CFAP300: variants seen among roughly 807,000 people sequenced by gnomAD.
CFAP300 encodes cilia- and flagella-associated protein 300.
In CFAP300, 32 loss-of-function variants were observed where a neutral mutation model predicts 33.0. The ratio of observed to expected loss-of-function variants is 0.97; its 90% CI spans 0.73 to 1.30. The LOEUF (loss-of-function observed/expected upper bound fraction) is 1.30, where lower values mean the gene tolerates loss of function less well. Ranked by LOEUF, CFAP300 falls within the 50% of genes most tolerant of loss-of-function variation. CFAP300 has a pLI of 0.00. For missense variants in CFAP300, 356 were observed against 318.1 expected (o/e 1.12, Z -0.90); for synonymous variants, 102 against 106.8 (o/e 0.95, Z 0.28).
rs1455364430 is a variant in CFAP300, at chr11:102,084,226, T to G, written c.*1027T>G. 1.3e-5 allele frequency: 2 copies of G among 152,208 alleles called. No homozygotes were observed. The highest frequency in any genetic ancestry group is 2.9e-5 in the Non-Finnish European group (2 of 68,034). The allele number at this position is 152,208 out of a possible 1,614,324, so 9.4% of individuals were successfully genotyped here. A position where few individuals can be genotyped will look rare whatever the true frequency, so the allele number is the denominator to read the frequency against. On this transcript the variant is annotated 3_prime_UTR_variant, in exon 7 of 7. Transcript: ENST00000434758. Reference sequence around the variant, plus strand: ...ATGAATGTATAACCTAGATTGTTTTTGGTTTATTTTGATGGCAAAAATCAT... The same window carrying G: ...ATGAATGTATAACCTAGATTGTTTTGGGTTTATTTTGATGGCAAAAATCAT...
At position 102,047,539 on chromosome 11, in the gene CFAP300, G is replaced by C. The variant is rs1306920442; in HGVS notation, c.69G>C (p.Gln23His). 1 of 1,535,924 alleles carries C rather than the reference G, an allele frequency of 6.5e-7. No homozygotes were observed. The highest frequency in any genetic ancestry group is 1.2e-5 in the South Asian group (1 of 84,064). Residue 23 changes from glutamine (Q) to histidine (H), a missense_variant, in exon 1 of 7, where the codon CAG (glutamine) becomes CAC (histidine). By Grantham distance (24) the Gln-to-His change is conservative. Coordinates refer to ENST00000434758, the MANE Select transcript of CFAP300 (RefSeq NM_032930.3). ...GGTTCTTGCCTCAGAAAACCTTCCA[G>C]TCTCTGAGCTCTAAGGAGATCACCA... The part of the protein sequence containing the change: ...YFRFLPQKTF[Q>H]SLSSKEITSR...
At chr11:102,076,882 ATCTC>A (rs1301176280) in intron 5 of CFAP300, among the ~76,000 whole-genome samples, 3 of 152,186 alleles carry the variant, frequency 2.0e-5, no homozygotes, top group Middle Eastern at 3.2e-3. Context: ...TGTTTCTATA[ATCTC>A]TCTGTGATTT....
At chr11:102,050,907 C>T (rs750162458) in intron 2 of CFAP300, among the ~76,000 whole-genome samples, 8 of 152,102 alleles carry the variant, frequency 5.3e-5, no homozygotes, top group Non-Finnish European at 1.0e-4. Flanking sequence ...TTGAGATCAC[C>T]TTGGCAGAAG....
chr11:102,047,689 C>G (rs1411014508), intron 1 of CFAP300, 109 bp downstream of exon 1: 2 of 1,439,660 alleles, frequency 1.4e-6, no homozygotes, highest in African/African-American at 1.4e-5. Context: ...CTGAGTGAAC[C>G]CTGAGGCTTC....
chr11:102,078,336 TA>T (rs1331938026), intron 5 of CFAP300, among the ~76,000 whole-genome samples: 1 of 152,240 alleles, frequency 6.6e-6, no homozygotes, highest in Non-Finnish European at 1.5e-5. Flanking sequence ...ACCATTAATA[TA>T]ATTACACTTT....
chr11:102,061,969 TCC>T (rs1010206488), intron 3 of CFAP300, among the ~76,000 whole-genome samples: 11 of 152,062 alleles, frequency 7.2e-5, no homozygotes, highest in Non-Finnish European at 1.2e-4. Context: ...GTGAGTTGTG[TCC>T]CCACCCCTAA....
In CFAP300 at chr11:102,051,638, A is replaced by G. The variant is rs192601165; in HGVS notation, c.192+3742A>G. On this transcript the variant is annotated intron_variant, in intron 2 of 6. Coordinates refer to ENST00000434758, the MANE Select transcript of CFAP300 (RefSeq NM_032930.3). ...ATTGTCTGTCCAGTATGCATGCTGG[A>G]TGTAAAAATTAAAATAATAAGAAAA... Among the ~76,000 whole-genome samples the G allele has an allele frequency of 1.6e-3, 248 of 152,342 alleles. 1 individual carries two copies. Among genetic ancestry groups the G allele is most frequent in the African/African-American group, 5.8e-3 (242 of 41,570 alleles).
chr11:102,069,720 T>C (rs2135038380), intron 4 of CFAP300, among the ~76,000 whole-genome samples: 1 of 152,194 alleles, frequency 6.6e-6, no homozygotes, highest in Non-Finnish European at 1.5e-5. Flanking sequence ...GGAGAATCGC[T>C]TGAACCCAGG....
intron 2 of CFAP300, among the ~76,000 whole-genome samples, chr11:102,054,910 C>T (rs1369522436): frequency 6.6e-6 from 1 of 151,886 alleles, no homozygotes; most frequent in African/African-American, 2.4e-5. Flanking sequence ...TCCCAATCTA[C>T]TCCTACTCCC....
intron 2 of CFAP300, among the ~76,000 whole-genome samples, chr11:102,055,696 G>A (rs1942044162): frequency 1.7e-5 from 2 of 115,594 alleles, no homozygotes; most frequent in South Asian, 2.8e-4. Context: ...TTTTTGAGAC[G>A]GAGTCTCGCT....
At chr11:102,063,095 G>C (rs1942173592) in intron 3 of CFAP300, among the ~76,000 whole-genome samples, 1 of 151,772 alleles carries the variant, frequency 6.6e-6, no homozygotes, top group African/African-American at 2.4e-5. Flanking sequence ...CTTGGAGGCA[G>C]GGCCACCCTG....
At chr11:102,056,130 G>A (rs1942053359) in intron 2 of CFAP300, among the ~76,000 whole-genome samples, 1 of 152,194 alleles carries the variant, frequency 6.6e-6, no homozygotes, top group Admixed American at 6.5e-5. Flanking sequence ...TCCTCTTAGG[G>A]AGCTTACATT....
At position 102,055,813 on chromosome 11, in the gene CFAP300, C is replaced by G. The variant is rs533511419; in HGVS notation, c.193-3067C>G. ...TCAGCCTCCCGAGTAGCTGGGACTA[C>G]AGGCGCCCGCCACCACGCCCAGATA... On this transcript the variant is annotated intron_variant, in intron 2 of 6. Coordinates refer to ENST00000434758, the MANE Select transcript of CFAP300 (RefSeq NM_032930.3). 2.8e-3 allele frequency among the ~76,000 whole-genome samples: 419 copies of G among 151,854 alleles called. 2 individuals are homozygous for G. Among genetic ancestry groups the G allele is most frequent in the African/African-American group, 1.0e-2 (413 of 41,412 alleles).
At chr11:102,073,849 T>C (rs1942354676) in intron 4 of CFAP300, among the ~76,000 whole-genome samples, 2 of 152,108 alleles carry the variant, frequency 1.3e-5, no homozygotes, top group Non-Finnish European at 2.9e-5. Context: ...CAGTGGCATA[T>C]GTTTCAGCCC....
intron 4 of CFAP300, among the ~76,000 whole-genome samples, chr11:102,074,025 T>TCAAGGG (rs1942359040): frequency 2.0e-5 from 3 of 152,164 alleles, no homozygotes; most frequent in African/African-American, 7.2e-5. Flanking sequence ...GGCAGCCTCC[T>TCAAGGG]CAGTGTACTG....
intron 1 of CFAP300, 63 bp downstream of exon 1, chr11:102,047,643 C>T (rs1429015815): frequency 6.7e-7 from 1 of 1,503,348 alleles, no homozygotes; most frequent in African/African-American, 1.4e-5. Flanking sequence ...GAGGCGCAGG[C>T]CGGGCGTCGA....
chr11:102,072,835 G>A (rs1565396188), intron 4 of CFAP300, among the ~76,000 whole-genome samples: 1 of 152,124 alleles, frequency 6.6e-6, no homozygotes, highest in East Asian at 1.9e-4. Flanking sequence ...GTTGGGTAGA[G>A]CATTTTGGTT....
intron 5 of CFAP300, among the ~76,000 whole-genome samples, chr11:102,079,655 G>A (rs1942446897): frequency 6.6e-6 from 1 of 152,090 alleles, no homozygotes; most frequent in Non-Finnish European, 1.5e-5. Context: ...TTTTACATAT[G>A]TAGTAGATGG....
At chr11:102,080,967 A>G (rs767406572) in intron 5 of CFAP300, among the ~76,000 whole-genome samples, 1 of 152,198 alleles carries the variant, frequency 6.6e-6, no homozygotes, top group African/African-American at 2.4e-5. Context: ...TAATTTCATC[A>G]TCTGAGTCTC....
Sources: gnomAD v4.1 joint callset for allele counts (sites outside exome capture counted in the v4.1 genomes callset) on GRCh38, gnomAD v4.1.1 for gene constraint, MANE v1.5 for transcripts, NCBI Gene and HGNC (gene_info 2026-07-23, HGNC 2026-07-21) for gene names.